The following PEBP4 variants were observed in gnomAD, a reference collection of about 807,000 sequenced individuals.
PEBP4 encodes the protein phosphatidylethanolamine binding protein 4.
PEBP4 carries 22 observed loss-of-function variants against 23.9 expected under a neutral mutation model. The ratio of observed to expected loss-of-function variants is 0.92; its 90% confidence interval spans 0.66 to 1.31. The LOEUF (loss-of-function observed/expected upper bound fraction) is 1.31. PEBP4 is among the 40% of genes most tolerant of loss of function. The pLI, the probability that PEBP4 is intolerant of heterozygous loss-of-function variation, is 0.00. For missense variants in PEBP4, 324 were observed against 281.7 expected (o/e 1.15, Z -1.07); for synonymous variants, 112 against 99.3 (o/e 1.13, Z -0.76).
At chr8:22,719,417 G>A (rs1439391731) in intron 6 of PEBP4, among the ~76,000 whole-genome samples, 1 of 152,220 alleles carries the variant, frequency 6.6e-6, no homozygotes, top group East Asian at 1.9e-4. Flanking sequence ...TGACCGAGGT[G>A]TGGTGTGGCA....
chr8:22,796,402 A>C (rs1316717010), intron 4 of PEBP4, among the ~76,000 whole-genome samples: 1 of 152,196 alleles, frequency 6.6e-6, no homozygotes, highest in African/African-American at 2.4e-5. Context: ...TGCTGAACTC[A>C]GAAGGTGTGC....
At chr8:22,829,217 T>G (rs1010147079) in intron 3 of PEBP4, among the ~76,000 whole-genome samples, 1 of 152,194 alleles carries the variant, frequency 6.6e-6, no homozygotes, top group Non-Finnish European at 1.5e-5. Context: ...TTTACTTCCA[T>G]GTGTGACCTG....
At chr8:22,824,676 A>C (rs372448613) in intron 3 of PEBP4, among the ~76,000 whole-genome samples, 7 of 152,248 alleles carry the variant, frequency 4.6e-5, no homozygotes, top group African/African-American at 1.7e-4. Flanking sequence ...AGGTGATGGG[A>C]GACAGTGACA....
intron 4 of PEBP4, among the ~76,000 whole-genome samples, chr8:22,771,468 G>T (rs1805716339): frequency 6.6e-6 from 1 of 152,100 alleles, no homozygotes; most frequent in Admixed American, 6.5e-5. Flanking sequence ...CAGCCTGGGT[G>T]ACGGAGTGAG....
At chr8:22,939,250 T>C (rs1340076991) in intron 1 of PEBP4, among the ~76,000 whole-genome samples, 3 of 152,260 alleles carry the variant, frequency 2.0e-5, no homozygotes, top group Non-Finnish European at 4.4e-5. Flanking sequence ...CTAGAATCTG[T>C]ATCCAGGGGA....
At chr8:22,729,444 A>AGCAGGCAAGGGT (rs1191061341) in intron 4 of PEBP4, among the ~76,000 whole-genome samples, 3 of 152,186 alleles carry the variant, frequency 2.0e-5, no homozygotes, top group African/African-American at 7.2e-5. Context: ...GAGGCAAGGG[A>AGCAGGCAAGGGT]GCAGGCAAGG....
chr8:22,846,005 G>A (rs1487515619), intron 3 of PEBP4, among the ~76,000 whole-genome samples: 1 of 152,238 alleles, frequency 6.6e-6, no homozygotes, highest in Non-Finnish European at 1.5e-5. Context: ...GGCAGAGACT[G>A]GGACAGCCGC....
chr8:22,926,566 C>T (rs1039115905), intron 2 of PEBP4, among the ~76,000 whole-genome samples: 6 of 152,080 alleles, frequency 3.9e-5, no homozygotes, highest in African/African-American at 1.4e-4. Context: ...AGGCTGGTCT[C>T]AAACCCCTGG....
At chr8:22,798,395 C>T (rs1806308813) in intron 4 of PEBP4, 1 of 153,212 alleles carries the variant, frequency 6.5e-6, no homozygotes. Flanking sequence ...ACCAATATTC[C>T]CCCTGCGCTA....
chr8:22,923,708 G>GT (rs1368410347), intron 2 of PEBP4, among the ~76,000 whole-genome samples: 1 of 152,112 alleles, frequency 6.6e-6, no homozygotes, highest in African/African-American at 2.4e-5. Flanking sequence ...CAATATGATG[G>GT]TATTAACAAG....
At chr8:22,728,432 A>G (rs1369151786) in intron 4 of PEBP4, among the ~76,000 whole-genome samples, 4 of 152,178 alleles carry the variant, frequency 2.6e-5, no homozygotes, top group African/African-American at 9.7e-5. Flanking sequence ...CTGTGGAAGG[A>G]TAGACCCTTC....
chr8:22,897,027 A>ATGTGTG (rs140900653), intron 3 of PEBP4, among the ~76,000 whole-genome samples: 1 of 149,040 alleles, frequency 6.7e-6, no homozygotes, highest in Non-Finnish European at 1.5e-5. Flanking sequence ...ATCTGTGTGT[A>ATGTGTG]TGTGTGTGTG....
At chr8:22,817,529 A>C in intron 4 of PEBP4, 108 bp downstream of exon 4, 2 of 1,037,560 alleles carry the variant, frequency 1.9e-6, no homozygotes, top group Non-Finnish European at 3.0e-6. Flanking sequence ...GATGGGACAC[A>C]GAAGTCCTCG....
intron 3 of PEBP4, among the ~76,000 whole-genome samples, chr8:22,898,686 T>C (rs1374616305): frequency 1.3e-5 from 2 of 152,220 alleles, no homozygotes; most frequent in African/African-American, 4.8e-5. Context: ...TAGCTCCTCT[T>C]TGTCCCTTTC....
chr8:22,832,764 T>C (rs1218540599), intron 3 of PEBP4, among the ~76,000 whole-genome samples: 1 of 152,222 alleles, frequency 6.6e-6, no homozygotes, highest in Non-Finnish European at 1.5e-5. Context: ...TTTCTGATGC[T>C]GTGACACTTG....
At chr8:22,897,485 C>G (rs1808611819) in intron 3 of PEBP4, among the ~76,000 whole-genome samples, 1 of 152,176 alleles carries the variant, frequency 6.6e-6, no homozygotes, top group Non-Finnish European at 1.5e-5. Context: ...ACTCTTAAGA[C>G]CTAGCTCTCT....
rs775033076 is a variant in PEBP4, at chr8:22,855,027, CACACACACACACACACAT to C, written c.259-37310_259-37293del. Among the ~76,000 whole-genome samples the C allele has an allele frequency of 3.8e-3, 306 of 81,194 alleles. 4 individuals are homozygous for C. Among genetic ancestry groups the C allele is most frequent in the Middle Eastern group, 0.029 (5 of 172 alleles). 53.3% of individuals were successfully genotyped at this position (81,194 alleles called of 152,430 possible). ...ACACACACACACACACACACACACACACACACACACACACACATGCACCCCAGGAAAGAAAGGCGTTTT... is the reference window on the plus strand; with the variant it reads ...ACACACACACACACACACACACACACGCACCCCAGGAAAGAAAGGCGTTTT... On this transcript the variant is annotated intron_variant, in intron 3 of 6. Transcript: ENST00000256404.
At chr8:22,830,333 T>C (rs1585296286) in intron 3 of PEBP4, among the ~76,000 whole-genome samples, 2 of 151,972 alleles carry the variant, frequency 1.3e-5, no homozygotes, top group Non-Finnish European at 1.5e-5. Flanking sequence ...TTAGTAGAGA[T>C]GGGGTTTCAC....
intron 4 of PEBP4, among the ~76,000 whole-genome samples, chr8:22,736,992 A>T (rs558458713): frequency 1.3e-5 from 2 of 152,314 alleles, no homozygotes; most frequent in East Asian, 3.9e-4. Context: ...ATGAGACCGC[A>T]AAGCTGAAAA....
Sources: gnomAD v4.1 joint callset for allele counts (sites outside exome capture counted in the v4.1 genomes callset) on GRCh38, gnomAD v4.1.1 for gene constraint, MANE v1.5 for transcripts, NCBI Gene and HGNC (gene_info 2026-07-23, HGNC 2026-07-21) for gene names.